The following HEATR4 variants were observed in gnomAD, a reference collection of about 807,000 sequenced individuals.
HEATR4 encodes HEAT repeat containing 4, also known as HEAT repeat-containing protein 4.
HEATR4 carries 95 observed loss-of-function variants against 108.8 expected under a neutral mutation model. The observed-to-expected ratio is 0.87, with a 90% CI of 0.74 to 1.04. The LOEUF (loss-of-function observed/expected upper bound fraction) is 1.04. Ranked by LOEUF, HEATR4 falls within the 50% of genes least tolerant of loss-of-function variation. The pLI is 0.00. For synonymous variants in HEATR4, 443 were observed against 459.4 expected, an observed-to-expected ratio of 0.96 and a Z score of 0.46; for missense variants, 1,152 against 1,253.8, an observed-to-expected ratio of 0.92 and a Z score of 1.23.
chr14:73,588,374 C>T, the HEATR4 span, among the ~76,000 whole-genome samples: 15 of 152,238 alleles, frequency 9.9e-5, no homozygotes, highest in East Asian at 2.5e-3. Flanking sequence ...ATGTGAAGTT[C>T]CTCCGTTACA....
intron 1 of HEATR4, among the ~76,000 whole-genome samples, chr14:73,540,675 G>A (rs1255788702): frequency 2.5e-5 from 3 of 121,116 alleles, no homozygotes; most frequent in Non-Finnish European, 3.6e-5. Flanking sequence ...TCTGTGGGAC[G>A]TTGATGGTTT....
rs201799912 is a variant in HEATR4, at chr14:73,500,596, C to G, written c.2240G>C (p.Arg747Pro). The G allele has an allele frequency of 2.5e-6, 4 of 1,613,930 alleles. No homozygotes were observed. The highest frequency in any genetic ancestry group is 3.4e-6 in the Non-Finnish European group (4 of 1,179,968). The change falls in exon 12 of 18, where the codon CGG (arginine) becomes CCG (proline). Residue 747 changes from arginine to proline, a missense_variant. Transcript: ENST00000553558. ...CFSDDFTAVR[R>P]AACLAAGALQ... is the part of the protein sequence containing the mutation. ...GGCACCAGCTGCCAAACAGGCTGCC[C>G]GCCGAACTGCTGTGAAGTCATCAGA...
the HEATR4 span, chr14:73,612,624 C>A: frequency 7.1e-7 from 1 of 1,408,150 alleles, no homozygotes; most frequent in Non-Finnish European, 9.3e-7. Context: ...TGGGACGAGC[C>A]GCTGCGCATC....
chr14:73,619,023 G>A, the HEATR4 span, among the ~76,000 whole-genome samples: 149 of 152,164 alleles, frequency 9.8e-4, no homozygotes, highest in African/African-American at 3.5e-3. Flanking sequence ...CCAGCTACTC[G>A]GGAGGCTGAG....
Position 73,509,436 on chromosome 14 carries a change from A to AG in HEATR4, c.1595dup (p.Ala533CysfsTer8), listed in dbSNP as rs766062315. The AG allele has an allele frequency of 1.3e-5, 21 of 1,613,978 alleles. No homozygotes were observed. The highest frequency in any genetic ancestry group is 1.8e-5 in the Non-Finnish European group (21 of 1,180,020). On this transcript the variant is annotated frameshift_variant, in exon 8 of 18. Transcript: ENST00000553558. LOFTEE classifies it high-confidence loss of function. ...TGTCACAAAGAGCAGCCTCTAGGGCAGGCAGTAGAACCTCCGGCAAGTCCT... is the reference window on the plus strand; with the variant it reads ...TGTCACAAAGAGCAGCCTCTAGGGCAGGGCAGTAGAACCTCCGGCAAGTCCT...
At chr14:73,628,494 C>G in the HEATR4 span, among the ~76,000 whole-genome samples, 1 of 152,136 alleles carries the variant, frequency 6.6e-6, no homozygotes, top group Non-Finnish European at 1.5e-5. Context: ...TGGCTCACAC[C>G]TGTAATCCCA....
At chr14:73,561,999 G>C (rs542010447), upstream of HEATR4, among the ~76,000 whole-genome samples, 1 of 152,132 alleles carries the variant, frequency 6.6e-6, no homozygotes, top group South Asian at 2.1e-4. Flanking sequence ...GTGAAGTTAT[G>C]ATATGCTGTA....
chr14:73,587,100 T>C, the HEATR4 span, among the ~76,000 whole-genome samples: 34 of 145,612 alleles, frequency 2.3e-4, no homozygotes, highest in African/African-American at 8.0e-4. Flanking sequence ...TCCTCCCTAA[T>C]ATAGAAAAAT....
chr14:73,560,950 AT>A (rs1328184807), upstream of HEATR4, among the ~76,000 whole-genome samples: 1 of 152,078 alleles, frequency 6.6e-6, no homozygotes, highest in African/African-American at 2.4e-5. Context: ...TTGTATACCC[AT>A]GTTCATAGCA....
chr14:73,575,254 A>C, the HEATR4 span: 1 of 872,330 alleles, frequency 1.1e-6, no homozygotes, highest in Non-Finnish European at 1.7e-6. Flanking sequence ...TTCTATGCTA[A>C]TGAGGCCTGT....
the HEATR4 span, chr14:73,619,481 A>C: frequency 6.2e-7 from 1 of 1,614,254 alleles, no homozygotes; most frequent in Non-Finnish European, 8.5e-7. Context: ...CTGGAGGAAC[A>C]CAATCACCAA....
At chr14:73,560,386 A>C (rs1203016175), upstream of HEATR4, among the ~76,000 whole-genome samples, 1 of 152,138 alleles carries the variant, frequency 6.6e-6, no homozygotes, top group Non-Finnish European at 1.5e-5. Context: ...AGACTGAGCC[A>C]GGCGCTGTGG....
chr14:73,570,689 G>T, the HEATR4 span, among the ~76,000 whole-genome samples: 1 of 152,036 alleles, frequency 6.6e-6, no homozygotes, highest in African/African-American at 2.4e-5. Flanking sequence ...CGGATCACCT[G>T]AGGTCAGGAG....
Position 73,500,559 on chromosome 14 carries a change from G to T in HEATR4, c.2277C>A (p.Arg759=), listed in dbSNP as rs538257935. The T allele has an allele frequency of 6.2e-7, 1 of 1,612,644 alleles. No individual in the cohort carries two copies. The highest frequency in any genetic ancestry group is 8.5e-7 in the Non-Finnish European group (1 of 1,179,486). Residue 759 remains arginine (R), a synonymous_variant, in exon 12 of 18, where the codon CGC becomes CGA. Coordinates refer to ENST00000553558, the MANE Select transcript of HEATR4 (RefSeq NM_001220484.1). ...TGTTTCCCTGACTCACCATCTTGTC[G>T]CGGATCTGCAGGGCACCAGCTGCCA... The part of the protein sequence containing the change: ...ACLAAGALQI[R]DKMVLECLLN...
intron 2 of HEATR4, 38 bp from the exon 3 acceptor site, chr14:73,523,262 A>G: frequency 9.0e-7 from 1 of 1,114,814 alleles, no homozygotes; most frequent in South Asian, 1.6e-5. Flanking sequence ...AGAACTCTAG[A>G]GCAGCAGAAA....
chr14:73,524,433 A>G (rs1595138041), intron 2 of HEATR4, among the ~76,000 whole-genome samples: 1 of 150,444 alleles, frequency 6.6e-6, no homozygotes, highest in South Asian at 2.1e-4. Context: ...CATGGCAAAC[A>G]CTGTAGATAA....
At position 73,496,628 on chromosome 14, in the gene HEATR4, T is replaced by C. The variant is rs1886123683; in HGVS notation, c.2598A>G (p.Gln866=). The change falls in exon 15 of 18, where the codon CAA becomes CAG. Residue 866 remains glutamine, a synonymous_variant. Transcript: ENST00000553558. ...KILNLGNEGN[Q]EMLQEIKNRI... is the part of the protein sequence containing the mutation. ...TGTTCTTGATCTCCTGAAGCATTTCTTGGTTTCCTTCATTTCCTAAGTTGA... is the reference window on the plus strand; with the variant it reads ...TGTTCTTGATCTCCTGAAGCATTTCCTGGTTTCCTTCATTTCCTAAGTTGA... 6.2e-7 allele frequency: 1 copy of C among 1,603,888 alleles called. No individual in the cohort carries two copies. Among genetic ancestry groups the C allele is most frequent in the African/African-American group, 1.3e-5 (1 of 74,828 alleles).
At chr14:73,493,219 A>G in intron 16 of HEATR4, 95 bp from the exon 17 acceptor site, 2 of 1,002,824 alleles carry the variant, frequency 2.0e-6, no homozygotes, top group Non-Finnish European at 3.2e-6. Context: ...TTCAGGCTTC[A>G]GTGTACTGGG....
At chr14:73,616,957 C>T in the HEATR4 span, 1 of 617,966 alleles carries the variant, frequency 1.6e-6, no homozygotes, top group Non-Finnish European at 2.9e-6. Flanking sequence ...TTTTGAGAAA[C>T]TAAAGCTCCC....
Sources: gnomAD v4.1 joint callset for allele counts (sites outside exome capture counted in the v4.1 genomes callset) on GRCh38, gnomAD v4.1.1 for gene constraint, MANE v1.5 for transcripts, NCBI Gene and HGNC (gene_info 2026-07-23, HGNC 2026-07-21) for gene names.